Variants in LATS1 observed in about 807,000 individuals in gnomAD.
The protein encoded by LATS1 is large tumor suppressor kinase 1, also known as serine/threonine-protein kinase LATS1.
Under a neutral mutation model 106.6 loss-of-function variants are expected in LATS1, and 25 were observed. The ratio of observed to expected loss-of-function variants is 0.23; its 90% confidence interval spans 0.17 to 0.33. LATS1 has a LOEUF of 0.33. LATS1 is among the 10% of genes least tolerant of loss of function. LATS1 has a pLI of 1.00. For synonymous variants in LATS1, 465 were observed against 455.6 expected (o/e 1.02, Z -0.26); for missense variants, 1,040 against 1,382.6 (o/e 0.75, Z 3.93).
At position 149,684,253 on chromosome 6, in the gene LATS1, C is replaced by T. The variant is rs1225601575; in HGVS notation, c.836G>A (p.Gly279Glu). ...EPNSQTKRYSGNMEYVISRIS... is the reference protein window; with the variant it reads ...EPNSQTKRYSENMEYVISRIS... The stretch of plus-strand genomic sequence containing the variant: ...TCGGGAGATTACGTATTCCATGTTT[C>T]CAGAATAGCGCTTTGTTTGAGAGTT... The change falls in exon 4 of 8, where the codon GGA becomes GAA. Residue 279 changes from glycine to glutamate, a missense_variant. This residue lies in a region of LATS1 where 624 missense variants were observed against 714.8 expected (regional missense o/e 0.87). Coordinates refer to ENST00000543571, the MANE Select transcript of LATS1 (RefSeq NM_004690.4). 3 of 1,614,016 alleles carry T rather than the reference C, an allele frequency of 1.9e-6. No individual in the cohort carries two copies. The highest frequency in any genetic ancestry group is 2.2e-5 in the East Asian group (1 of 44,876).
In LATS1 at chr6:149,661,630, T is replaced by C. The variant is rs898420248; in HGVS notation, c.*99A>G. 1.6e-5 allele frequency: 15 copies of C among 936,582 alleles called. No homozygotes were observed. The highest frequency in any genetic ancestry group is 2.4e-5 in the Non-Finnish European group (15 of 624,674). 58.0% of individuals were successfully genotyped at this position (936,582 alleles called of 1,614,324 possible). A position where few individuals can be genotyped will look rare whatever the true frequency, so the allele number is the denominator to read the frequency against. ...ATATTGTACACAGAGCACACATATA[T>C]AGCTCTGTCATATTTGCATAATTTT... On this transcript the variant is annotated 3_prime_UTR_variant, in exon 8 of 8. Coordinates refer to ENST00000543571, the MANE Select transcript of LATS1 (RefSeq NM_004690.4).
At chr6:149,675,272 G>A (rs747185879) in intron 7 of LATS1, among the ~76,000 whole-genome samples, 70 of 151,520 alleles carry the variant, frequency 4.6e-4, no homozygotes, top group Non-Finnish European at 4.3e-4. Flanking sequence ...CAGAAAGGAG[G>A]AAGGGTTATA....
At chr6:149,685,803 C>CA (rs11316486) in intron 3 of LATS1, among the ~76,000 whole-genome samples, 112 of 144,734 alleles carry the variant, frequency 7.7e-4, no homozygotes, top group South Asian at 3.7e-3. Flanking sequence ...ATAAAACAAG[C>CA]AAAAAAAAAA....
intron 7 of LATS1, among the ~76,000 whole-genome samples, chr6:149,671,171 C>T (rs977297564): frequency 6.6e-6 from 1 of 151,774 alleles, no homozygotes; most frequent in African/African-American, 2.4e-5. Flanking sequence ...CTCGCTCTGT[C>T]ATCCCAGGCT....
chr6:149,675,476 C>T (rs929652372), intron 7 of LATS1, among the ~76,000 whole-genome samples: 28 of 152,046 alleles, frequency 1.8e-4, no homozygotes, highest in African/African-American at 6.8e-4. Flanking sequence ...TTGTAGTTTG[C>T]ATAGAAGGAG....
chr6:149,710,866 A>G (rs1418485777), intron 1 of LATS1, among the ~76,000 whole-genome samples: 1 of 152,226 alleles, frequency 6.6e-6, no homozygotes, highest in Non-Finnish European at 1.5e-5. Flanking sequence ...GATGAGTTCA[A>G]GAAGGAAGTA....
At chr6:149,678,900 T>C (rs1354269746) in intron 5 of LATS1, among the ~76,000 whole-genome samples, 1 of 152,128 alleles carries the variant, frequency 6.6e-6, no homozygotes, top group Non-Finnish European at 1.5e-5. Flanking sequence ...TCATAAAGTG[T>C]TTAGGGTTAT....
At chr6:149,668,135 T>C (rs1411273399) in intron 7 of LATS1, among the ~76,000 whole-genome samples, 1 of 152,198 alleles carries the variant, frequency 6.6e-6, no homozygotes, top group Admixed American at 6.5e-5. Flanking sequence ...GCCAGGCTGG[T>C]CTCAAACTCC....
chr6:149,683,048 G>C, intron 4 of LATS1, 31 bp downstream of exon 4: 1 of 1,541,262 alleles, frequency 6.5e-7, no homozygotes, highest in East Asian at 2.2e-5. Flanking sequence ...AGATGATTAA[G>C]TATAAAAATG....
At chr6:149,686,700 C>A (rs1782392920) in intron 3 of LATS1, among the ~76,000 whole-genome samples, 1 of 152,186 alleles carries the variant, frequency 6.6e-6, no homozygotes, top group Non-Finnish European at 1.5e-5. Flanking sequence ...AAAGCCAGCT[C>A]TTTTGAACTT....
At chr6:149,692,008 G>A (rs576541537) in intron 3 of LATS1, among the ~76,000 whole-genome samples, 3 of 151,814 alleles carry the variant, frequency 2.0e-5, no homozygotes, top group East Asian at 1.9e-4. Context: ...CACTGCTATC[G>A]CCCAAGCCCA....
intron 2 of LATS1, among the ~76,000 whole-genome samples, chr6:149,698,668 C>A (rs1783254010): frequency 6.6e-6 from 1 of 151,942 alleles, no homozygotes; most frequent in Admixed American, 6.6e-5. Flanking sequence ...ATTCTCCTAC[C>A]TCAGCCACCC....
At chr6:149,684,632 T>C in intron 3 of LATS1, 40 bp from the exon 4 acceptor site, 1 of 1,431,624 alleles carries the variant, frequency 7.0e-7, no homozygotes, top group Non-Finnish European at 9.4e-7. Context: ...AAGAATCATG[T>C]TTTTAACCTC....
intron 1 of LATS1, among the ~76,000 whole-genome samples, chr6:149,716,751 T>C (rs1784413794): frequency 6.6e-6 from 1 of 152,160 alleles, no homozygotes; most frequent in African/African-American, 2.4e-5. Flanking sequence ...AGCAGCCAAT[T>C]GGACTAACAC....
intron 7 of LATS1, among the ~76,000 whole-genome samples, chr6:149,668,079 C>T (rs1267050730): frequency 6.6e-6 from 1 of 152,090 alleles, no homozygotes; most frequent in African/African-American, 2.4e-5. Context: ...CGCCACCAGC[C>T]CAGATAATTT....
Position 149,684,055 on chromosome 6 carries a change from G to A in LATS1, c.1034C>T (p.Pro345Leu), listed in dbSNP as rs768244418. Residue 345 changes from proline to leucine, a missense_variant, in exon 4 of 8, where the codon CCT (proline) becomes CTT (leucine). Coordinates refer to ENST00000543571, the MANE Select transcript of LATS1 (RefSeq NM_004690.4). ...TTGTCCAGTACCATTCTGCATTCCA[G>A]GTCTCCCTGATGGAAAGTTAAATTT... ...SSKFNFPSGR[P>L]GMQNGTGQTD... 6.2e-7 allele frequency: 1 copy of A among 1,614,140 alleles called. No homozygotes were observed.
Position 149,685,246 on chromosome 6 carries a change from T to A in LATS1, c.497-654A>T, listed in dbSNP as rs55810699. Reference sequence around the variant, plus strand: ...GTGCAAGACTCCATCTCAAAAAAAATATATATATATTTTTGAAGAGATATA... The same window carrying A: ...GTGCAAGACTCCATCTCAAAAAAAAAATATATATATTTTTGAAGAGATATA... On this transcript the variant is annotated intron_variant, in intron 3 of 7. Coordinates refer to ENST00000543571, the MANE Select transcript of LATS1 (RefSeq NM_004690.4). Among the ~76,000 whole-genome samples the A allele has an allele frequency of 8.8e-3, 1,331 of 151,554 alleles. 18 individuals are homozygous for A. Among genetic ancestry groups the A allele is most frequent in the African/African-American group, 0.029 (1,214 of 41,356 alleles).
At chr6:149,689,241 C>A (rs990487722) in intron 3 of LATS1, among the ~76,000 whole-genome samples, 1 of 151,566 alleles carries the variant, frequency 6.6e-6, no homozygotes, top group Non-Finnish European at 1.5e-5. Context: ...AAACCCAGTA[C>A]GGCTGTAGAA....
At chr6:149,686,847 G>T (rs1782400823) in intron 3 of LATS1, among the ~76,000 whole-genome samples, 1 of 152,044 alleles carries the variant, frequency 6.6e-6, no homozygotes, top group Non-Finnish European at 1.5e-5. Context: ...ATAACCACGA[G>T]GATAAACCAT....
Sources: allele counts gnomAD v4.1 joint callset (sites outside exome capture counted in the v4.1 genomes callset), GRCh38; gene constraint gnomAD v4.1.1; regional missense constraint gnomAD v4.1.1; transcripts MANE v1.5; gene names NCBI Gene and HGNC (gene_info 2026-07-23, HGNC 2026-07-21).